The following EXOC6B variants were observed in gnomAD, a reference collection of about 807,000 sequenced individuals.
EXOC6B encodes the protein exocyst complex component 6B, also known as SEC15 homolog B.
In EXOC6B, 54 loss-of-function variants were observed where a neutral mutation model predicts 113.5. The observed-to-expected ratio is 0.48, with a 90% CI of 0.38 to 0.60. The LOEUF (loss-of-function observed/expected upper bound fraction) is 0.60, where lower values mean the gene tolerates loss of function less well. Among genes scored for constraint, EXOC6B ranks in the 20% least tolerant of loss-of-function variants. EXOC6B has a pLI of 0.00. For synonymous variants in EXOC6B, 357 were observed against 339.0 expected (o/e 1.05, Z -0.58); for missense variants, 797 against 977.5 (o/e 0.82, Z 2.46).
intron 6 of EXOC6B, among the ~76,000 whole-genome samples, chr2:72,706,293 G>C (rs1678872324): frequency 6.6e-6 from 1 of 152,154 alleles, no homozygotes; most frequent in African/African-American, 2.4e-5. Context: ...AAAAAAACCA[G>C]CTGAAAGGTG....
chr2:72,399,283 A>C (rs191487707), intron 18 of EXOC6B, among the ~76,000 whole-genome samples: 6 of 152,168 alleles, frequency 3.9e-5, no homozygotes, highest in Non-Finnish European at 8.8e-5. Flanking sequence ...ATATACAACA[A>C]ACCCACAGCC....
chr2:72,639,005 G>A (rs1673045141), intron 6 of EXOC6B, among the ~76,000 whole-genome samples: 1 of 152,202 alleles, frequency 6.6e-6, no homozygotes. Flanking sequence ...CTGGCAGACA[G>A]TGCCTTACCA....
chr2:72,495,746 A>G (rs563426605), intron 14 of EXOC6B, among the ~76,000 whole-genome samples: 68 of 152,232 alleles, frequency 4.5e-4, no homozygotes, highest in Admixed American at 1.3e-3. Flanking sequence ...GTCCTTCATC[A>G]TGGAAAGAGA....
At chr2:72,359,876 G>A (rs1177739602) in intron 19 of EXOC6B, among the ~76,000 whole-genome samples, 2 of 152,044 alleles carry the variant, frequency 1.3e-5, no homozygotes, top group African/African-American at 4.8e-5. Context: ...GAGTTCATGT[G>A]AGAGCTGGTT....
intron 20 of EXOC6B, among the ~76,000 whole-genome samples, chr2:72,232,955 C>G (rs1681723198): frequency 2.0e-5 from 3 of 151,676 alleles, no homozygotes; most frequent in Admixed American, 2.0e-4. Context: ...GCCTGTAATC[C>G]TAGGTACTTG....
intron 18 of EXOC6B, among the ~76,000 whole-genome samples, chr2:72,434,525 C>T (rs538010280): frequency 6.6e-6 from 1 of 152,172 alleles, no homozygotes; most frequent in South Asian, 2.1e-4. Context: ...GCTGTGAATC[C>T]GTCTGGTCCT....
intron 19 of EXOC6B, among the ~76,000 whole-genome samples, chr2:72,358,960 TA>T (rs1171569699): frequency 6.6e-6 from 1 of 152,210 alleles, no homozygotes; most frequent in Non-Finnish European, 1.5e-5. Context: ...AATTGCATCA[TA>T]TTTATTCACT....
intron 18 of EXOC6B, among the ~76,000 whole-genome samples, chr2:72,451,386 A>T (rs1696903526): frequency 6.6e-6 from 1 of 152,202 alleles, no homozygotes; most frequent in East Asian, 1.9e-4. Context: ...ATTAAAGGCA[A>T]CTTAAGTAAA....
chr2:72,547,498 A>C (rs1434108115), intron 8 of EXOC6B, among the ~76,000 whole-genome samples: 1 of 152,216 alleles, frequency 6.6e-6, no homozygotes, highest in African/African-American at 2.4e-5. Context: ...AACCACAAGA[A>C]GATCACATAC....
At chr2:72,517,455 T>C (rs1701274991) in intron 8 of EXOC6B, among the ~76,000 whole-genome samples, 1 of 152,110 alleles carries the variant, frequency 6.6e-6, no homozygotes, top group Non-Finnish European at 1.5e-5. Flanking sequence ...AGTTTTTCCT[T>C]CCTAGAAAAT....
intron 17 of EXOC6B, 55 bp downstream of exon 17, chr2:72,480,561 C>T (rs1011334557): frequency 4.7e-5 from 67 of 1,428,094 alleles, no homozygotes; most frequent in Admixed American, 2.7e-4. Context: ...TTAGGTAGAA[C>T]GTCCCAGACT....
intron 6 of EXOC6B, among the ~76,000 whole-genome samples, chr2:72,683,900 G>C (rs994488331): frequency 2.6e-5 from 4 of 152,098 alleles, no homozygotes; most frequent in Non-Finnish European, 5.9e-5. Flanking sequence ...AAACAAGGCA[G>C]ATAATTCTCT....
chr2:72,228,369 A>C, intron 20 of EXOC6B, among the ~76,000 whole-genome samples: 1 of 151,584 alleles, frequency 6.6e-6, no homozygotes, highest in East Asian at 2.0e-4. Flanking sequence ...TGCACCCATT[A>C]ACTCGTCATT....
intron 15 of EXOC6B, among the ~76,000 whole-genome samples, chr2:72,493,850 T>C (rs955760288): frequency 3.0e-4 from 45 of 152,120 alleles, no homozygotes; most frequent in African/African-American, 1.1e-3. Flanking sequence ...TAAAGCTGCA[T>C]TAAAATCTGA....
At chr2:72,477,395 GTAC>G (rs1006702051) in intron 17 of EXOC6B, among the ~76,000 whole-genome samples, 1 of 152,030 alleles carries the variant, frequency 6.6e-6, no homozygotes, top group Non-Finnish European at 1.5e-5. Flanking sequence ...ACCCAATCTA[GTAC>G]TAAGACCTGC....
intron 7 of EXOC6B, among the ~76,000 whole-genome samples, chr2:72,563,927 T>C (rs530975540): frequency 6.6e-6 from 1 of 152,314 alleles, no homozygotes; most frequent in East Asian, 1.9e-4. Flanking sequence ...TATATTCATT[T>C]AATATTTTTC....
At chr2:72,487,685 G>T (rs1699512704) in intron 16 of EXOC6B, among the ~76,000 whole-genome samples, 1 of 152,138 alleles carries the variant, frequency 6.6e-6, no homozygotes, top group African/African-American at 2.4e-5. Context: ...AAGGAGTACT[G>T]GTCAACTATG....
At chr2:72,215,892 G>A (rs1680499234) in intron 20 of EXOC6B, among the ~76,000 whole-genome samples, 1 of 152,056 alleles carries the variant, frequency 6.6e-6, no homozygotes, top group Non-Finnish European at 1.5e-5. Flanking sequence ...CATTGCAAAA[G>A]CTGTAGGCTG....
intron 20 of EXOC6B, among the ~76,000 whole-genome samples, chr2:72,265,278 G>C (rs1683998539): frequency 7.3e-6 from 1 of 136,706 alleles, no homozygotes; most frequent in Non-Finnish European, 1.6e-5. Flanking sequence ...TATACTTTAA[G>C]TTTGAGGGTA....
Sources: allele counts gnomAD v4.1 joint callset (sites outside exome capture counted in the v4.1 genomes callset), GRCh38; gene constraint gnomAD v4.1.1; transcripts MANE v1.5; gene names NCBI Gene and HGNC (gene_info 2026-07-23, HGNC 2026-07-21).